The following THEM4 variants were observed in gnomAD, a reference collection of about 807,000 sequenced individuals.
THEM4 encodes thioesterase superfamily member 4, also known as acyl-coenzyme A thioesterase THEM4.
THEM4 carries 22 observed loss-of-function variants against 25.0 expected under a neutral mutation model. The ratio of observed to expected loss-of-function variants is 0.88; its 90% CI spans 0.63 to 1.26. The LOEUF (loss-of-function observed/expected upper bound fraction) is 1.26, where lower values mean the gene tolerates loss of function less well. Among genes scored for constraint, THEM4 ranks in the 50% most tolerant of loss-of-function variants. The pLI is 0.00. For missense variants in THEM4, 286 were observed against 300.3 expected (o/e 0.95, Z 0.35); for synonymous variants, 113 against 105.6 (o/e 1.07, Z -0.43).
At chr1:151,889,598 G>T in intron 2 of THEM4, 1 of 454,196 alleles carries the variant, frequency 2.2e-6, no homozygotes, top group East Asian at 3.2e-5. Context: ...AAACAGACAT[G>T]AAATCAAAAT....
At chr1:151,883,602 A>C (rs1198000719) in intron 4 of THEM4, among the ~76,000 whole-genome samples, 1 of 151,704 alleles carries the variant, frequency 6.6e-6, no homozygotes, top group East Asian at 2.0e-4. Flanking sequence ...AAAATGTCTA[A>C]CTAAATTGTT....
intron 4 of THEM4, among the ~76,000 whole-genome samples, chr1:151,881,170 A>C (rs991594144): frequency 7.9e-5 from 12 of 151,890 alleles, no homozygotes; most frequent in African/African-American, 2.9e-4. Context: ...GTAAATTTTT[A>C]TTTTTATTAT....
At chr1:151,904,014 T>C (rs1265193842) in intron 1 of THEM4, among the ~76,000 whole-genome samples, 3 of 152,098 alleles carry the variant, frequency 2.0e-5, no homozygotes, top group African/African-American at 4.8e-5. Flanking sequence ...ATGTGAAAAA[T>C]ACTACAAGAG....
chr1:151,891,584 T>C (rs758322492), intron 2 of THEM4: 2 of 152,134 alleles, frequency 1.3e-5, no homozygotes, highest in Non-Finnish European at 2.9e-5. Context: ...GAAATAACAA[T>C]TGTTTCTGAG....
chr1:151,891,946 CAG>C (rs1393861877), intron 2 of THEM4, among the ~76,000 whole-genome samples: 5 of 151,998 alleles, frequency 3.3e-5, no homozygotes, highest in Admixed American at 6.6e-5. Flanking sequence ...CTCAAAGAAA[CAG>C]AGGTTTTTTG....
chr1:151,878,889 TATACACACACACACACACACAC>T (rs1489883937), intron 4 of THEM4, among the ~76,000 whole-genome samples: 3 of 127,608 alleles, frequency 2.4e-5, no homozygotes, highest in Non-Finnish European at 3.3e-5. Flanking sequence ...TGTATATGTC[TATACACACACACACACACACAC>T]ACACACACAC....
intron 4 of THEM4, among the ~76,000 whole-genome samples, chr1:151,883,429 A>C (rs1240388573): frequency 6.6e-6 from 1 of 151,930 alleles, no homozygotes; most frequent in Non-Finnish European, 1.5e-5. Flanking sequence ...AAACACTTTT[A>C]AACCATCAGA....
chr1:151,894,562 G>C (rs1654176137), intron 2 of THEM4, among the ~76,000 whole-genome samples: 1 of 152,166 alleles, frequency 6.6e-6, no homozygotes, highest in Admixed American at 6.6e-5. Flanking sequence ...AGAAGGATAG[G>C]AATTGCTATG....
chr1:151,897,363 TAC>T, intron 1 of THEM4, among the ~76,000 whole-genome samples: 1 of 152,302 alleles, frequency 6.6e-6, no homozygotes. Context: ...GTGGGAAGAA[TAC>T]AGAGAACCTG....
chr1:151,874,121 A>G lies in THEM4; in HGVS notation c.*767T>C, dbSNP rs1653615443. Reference sequence around the variant, plus strand: ...ACAGATTTGAGGTATTCATTCCTATAGGATCTGGCTGTGCTTCCTACACTG... The same window carrying G: ...ACAGATTTGAGGTATTCATTCCTATGGGATCTGGCTGTGCTTCCTACACTG... On this transcript the variant is annotated 3_prime_UTR_variant, in exon 6 of 6. Transcript: ENST00000368814. 6.6e-6 allele frequency: 1 copy of G among 152,242 alleles called. No homozygotes were observed. Among genetic ancestry groups the G allele is most frequent in the African/African-American group, 2.4e-5 (1 of 41,446 alleles). The allele number at this position is 152,242 out of a possible 1,614,324, so 9.4% of individuals were successfully genotyped here. A position where few individuals can be genotyped will look rare whatever the true frequency, so the allele number is the denominator to read the frequency against.
Position 151,888,396 on chromosome 1 carries a change from G to A in THEM4, c.447-13C>T. On this transcript the variant is annotated splice_polypyrimidine_tract_variant and intron_variant, in intron 3 of 5. Coordinates refer to ENST00000368814, the MANE Select transcript of THEM4 (RefSeq NM_053055.5). ...TCCATGAATGAATCTAGTTACAACA[G>A]GAGTGGAGGAGAAATGTTTTCAGAA... 1 of 1,580,820 alleles carries A rather than the reference G, an allele frequency of 6.3e-7. No individual in the cohort carries two copies. The highest frequency in any genetic ancestry group is 8.6e-7 in the Non-Finnish European group (1 of 1,157,336).
chr1:151,871,296 G>T lies in THEM4; in HGVS notation c.*3592C>A, dbSNP rs1432728394. Among the ~76,000 whole-genome samples the T allele has an allele frequency of 7.2e-6, 1 of 138,516 alleles. No homozygotes were observed. Among genetic ancestry groups the T allele is most frequent in the Non-Finnish European group, 1.5e-5 (1 of 66,316 alleles). The allele number at this position is 138,516 out of a possible 152,430, so 90.9% of individuals were successfully genotyped here. A position where few individuals can be genotyped will look rare whatever the true frequency, so the allele number is the denominator to read the frequency against. On this transcript the variant is annotated 3_prime_UTR_variant, in exon 6 of 6. Transcript: ENST00000368814. Reference sequence around the variant, plus strand: ...GCTGAGATTGTGTCTCTGCATTCCAGCCCAGGCGACAGAGCCAGACCCTGT... The same window carrying T: ...GCTGAGATTGTGTCTCTGCATTCCATCCCAGGCGACAGAGCCAGACCCTGT...
intron 5 of THEM4, among the ~76,000 whole-genome samples, chr1:151,876,266 G>A (rs190344666): frequency 3.3e-5 from 5 of 152,168 alleles, no homozygotes; most frequent in Admixed American, 3.3e-4. Context: ...TCTTTAACCA[G>A]TCTCCTATTG....
intron 1 of THEM4, among the ~76,000 whole-genome samples, chr1:151,905,747 G>T (rs9943281): frequency 0.58 from 88,600 of 152,134 alleles, 26,127 homozygotes; most frequent in Admixed American, 0.67. Context: ...AGTTTTATGA[G>T]TTTATAGATT....
chr1:151,905,653 G>A (rs1400100144), intron 1 of THEM4, among the ~76,000 whole-genome samples: 1 of 152,148 alleles, frequency 6.6e-6, no homozygotes, highest in African/African-American at 2.4e-5. Context: ...GACTCTTCCA[G>A]CACTCCCTCA....
intron 4 of THEM4, 22 bp downstream of exon 4, chr1:151,888,251 T>G (rs779318996): frequency 6.3e-7 from 1 of 1,584,806 alleles, no homozygotes; most frequent in Non-Finnish European, 8.6e-7. Flanking sequence ...TAAGGATAAA[T>G]AGAGAATTAC....
intron 2 of THEM4, chr1:151,890,018 T>C (rs1654059615): frequency 4.2e-6 from 1 of 237,160 alleles, no homozygotes; most frequent in Admixed American, 4.7e-5. Flanking sequence ...GCGATTCTCC[T>C]GCCTCAGCCT....
chr1:151,902,514 A>G (rs1276337010), intron 1 of THEM4, among the ~76,000 whole-genome samples: 2 of 152,102 alleles, frequency 1.3e-5, no homozygotes, highest in Non-Finnish European at 2.9e-5. Flanking sequence ...TGGGAGGGGG[A>G]TAAGGGATAA....
In THEM4 at chr1:151,877,143, A is replaced by C. The variant is rs751554516; in HGVS notation, c.558-18T>G. 1 of 1,592,226 alleles carries C rather than the reference A, an allele frequency of 6.3e-7. No homozygotes were observed. The highest frequency in any genetic ancestry group is 1.2e-5 in the South Asian group (1 of 86,860). ...GGATAGGTCTGCAGAATAAAATGAAAAAGGAAAAAAATCAGTTTTTATCTG... is the reference window on the plus strand; with the variant it reads ...GGATAGGTCTGCAGAATAAAATGAACAAGGAAAAAAATCAGTTTTTATCTG... On this transcript the variant is annotated intron_variant, in intron 4 of 5. Transcript: ENST00000368814.
Sources: gnomAD v4.1 joint callset for allele counts (sites outside exome capture counted in the v4.1 genomes callset) on GRCh38, gnomAD v4.1.1 for gene constraint, MANE v1.5 for transcripts, NCBI Gene and HGNC (gene_info 2026-07-23, HGNC 2026-07-21) for gene names.